SLC22A3: variants seen among roughly 807,000 people sequenced by gnomAD.
The protein encoded by SLC22A3 is solute carrier family 22 member 3, also known as EMT organic cation transporter 3.
In SLC22A3, 51 loss-of-function variants were observed where a neutral mutation model predicts 59.1. That is an observed-to-expected ratio of 0.86 (90% confidence interval 0.69 to 1.09). SLC22A3 has a LOEUF of 1.09. Among genes scored for constraint, SLC22A3 ranks in the 50% least tolerant of loss-of-function variants. The pLI is 0.00. For synonymous variants in SLC22A3, 325 were observed against 292.0 expected (o/e 1.11, Z -1.15); for missense variants, 711 against 726.3 (o/e 0.98, Z 0.24).
chr6:160,351,276 C>G (rs987247033), intron 1 of SLC22A3, among the ~76,000 whole-genome samples: 1 of 152,074 alleles, frequency 6.6e-6, no homozygotes, highest in Non-Finnish European at 1.5e-5. Context: ...CCACCATGCC[C>G]GGCTAATTTT....
intron 5 of SLC22A3, among the ~76,000 whole-genome samples, chr6:160,420,231 G>A (rs1787671004): frequency 6.6e-6 from 1 of 152,172 alleles, no homozygotes. Flanking sequence ...TCAATTTAAA[G>A]GTGCTTTAAA....
chr6:160,389,434 C>G (rs1316448958), intron 1 of SLC22A3, among the ~76,000 whole-genome samples: 2 of 152,132 alleles, frequency 1.3e-5, no homozygotes, highest in African/African-American at 4.8e-5. Context: ...TGGCCAAGCA[C>G]CTTAACTGAC....
In SLC22A3 at chr6:160,447,808, A is replaced by G. The variant is rs774243706; in HGVS notation, c.1600A>G (p.Lys534Glu). ...GCCAGAGACAGTGGATGATGTAGAA[A>G]AACTTGGCAGGTACTGTACAAAATT... ...ALPETVDDVE[K>E]LGSPHSCKCG... The change falls in exon 10 of 11, where the codon AAA becomes GAA. Residue 534 changes from lysine to glutamate, a missense_variant. Coordinates refer to ENST00000275300, the MANE Select transcript of SLC22A3 (RefSeq NM_021977.4). The G allele has an allele frequency of 2.5e-6, 4 of 1,613,806 alleles. No homozygotes were observed. The highest frequency in any genetic ancestry group is 2.2e-5 in the East Asian group (1 of 44,884).
In SLC22A3 at chr6:160,348,667, C is replaced by G. The variant is rs1213823972; in HGVS notation, c.248C>G (p.Pro83Arg). Residue 83 changes from proline (P) to arginine (R), a missense_variant, in exon 1 of 11, where the codon CCC (proline) becomes CGC (arginine). Physicochemically the swap from Pro to Arg is moderately radical, Grantham distance 103 (BLOSUM62 -2). Transcript: ENST00000275300. ...GCGCCCGCCTCCCGCGGCCCAGAGCCCCCCGAGCGCCGCGGCCGCTGCCAG... is the reference window on the plus strand; with the variant it reads ...GCGCCCGCCTCCCGCGGCCCAGAGCGCCCCGAGCGCCGCGGCCGCTGCCAG... ...RTAPASRGPE[P>R]PERRGRCQRY... The G allele has an allele frequency of 6.6e-7, 1 of 1,506,866 alleles. No homozygotes were observed. The highest frequency in any genetic ancestry group is 1.4e-5 in the African/African-American group (1 of 69,034). The allele number at this position is 1,506,866 out of a possible 1,614,324, so 93.3% of individuals were successfully genotyped here.
At chr6:160,431,569 T>G (rs1788152676) in intron 5 of SLC22A3, among the ~76,000 whole-genome samples, 1 of 150,824 alleles carries the variant, frequency 6.6e-6, no homozygotes, top group African/African-American at 2.4e-5. Flanking sequence ...CACCTCGTAT[T>G]TTTTTTTTGG....
chr6:160,427,162 G>A (rs374937079), intron 5 of SLC22A3, among the ~76,000 whole-genome samples: 1 of 152,094 alleles, frequency 6.6e-6, no homozygotes, highest in East Asian at 1.9e-4. Context: ...CTTGTGACCC[G>A]AGCTGATGGG....
intron 1 of SLC22A3, among the ~76,000 whole-genome samples, chr6:160,352,937 C>T (rs1583436228): frequency 6.6e-6 from 1 of 152,342 alleles, no homozygotes; most frequent in African/African-American, 2.4e-5. Flanking sequence ...TCTCCTCCCT[C>T]AGCCTCCTGA....
In SLC22A3 at chr6:160,348,577, G is replaced by A. The variant is rs780275898; in HGVS notation, c.158G>A (p.Gly53Glu). The change falls in exon 1 of 11, where the codon GGG (glycine) becomes GAG (glutamate). Residue 53 changes from glycine (G) to glutamate (E), a missense_variant. Transcript: ENST00000275300. Reference protein sequence around the residue: ...GTQPDHYWCRGPSAAALAERC... With the variant: ...GTQPDHYWCREPSAAALAERC... ...CAGCCCGACCACTACTGGTGCCGCG[G>A]GCCAAGTGCCGCGGCGCTGGCCGAG... The A allele has an allele frequency of 4.6e-5, 70 of 1,534,750 alleles. No homozygotes were observed. The highest frequency in any genetic ancestry group is 6.0e-5 in the Non-Finnish European group (69 of 1,150,542).
chr6:160,406,933 T>C (rs1421443199), intron 2 of SLC22A3, 108 bp from the exon 3 acceptor site: 19 of 1,226,728 alleles, frequency 1.5e-5, no homozygotes, highest in Non-Finnish European at 2.1e-5. Flanking sequence ...TAAAATGATA[T>C]AATGTAATAC....
chr6:160,355,589 G>A (rs1453947033), intron 1 of SLC22A3, among the ~76,000 whole-genome samples: 3 of 141,004 alleles, frequency 2.1e-5, no homozygotes, highest in Non-Finnish European at 3.2e-5. Flanking sequence ...GTGAAACCCC[G>A]TCTCTACTAA....
chr6:160,348,927 G>A, intron 1 of SLC22A3, 79 bp downstream of exon 1: 1 of 1,532,442 alleles, frequency 6.5e-7, no homozygotes, highest in Non-Finnish European at 8.7e-7. Flanking sequence ...CGTGTGAGAC[G>A]CTGGCCGCCA....
rs983854802 is a variant in SLC22A3 at position 160,451,772 on chromosome 6, T to G, written c.*716T>G. The G allele has an allele frequency of 6.6e-6, 1 of 152,196 alleles. No homozygotes were observed. Among genetic ancestry groups the G allele is most frequent in the Non-Finnish European group, 1.5e-5 (1 of 68,046 alleles). The allele number at this position is 152,196 out of a possible 1,614,324, so 9.4% of individuals were successfully genotyped here. On this transcript the variant is annotated 3_prime_UTR_variant, in exon 11 of 11. Transcript: ENST00000275300. Reference sequence around the variant, plus strand: ...CTTGGCTCTGTTATTTACAAAATGATGCTGTGGTTCTGAGATTATTTGGGA... The same window carrying G: ...CTTGGCTCTGTTATTTACAAAATGAGGCTGTGGTTCTGAGATTATTTGGGA...
chr6:160,397,982 G>C lies in SLC22A3; in HGVS notation c.433G>C (p.Asp145His), dbSNP rs765607572. The change falls in exon 2 of 11, where the codon GAC becomes CAC. Residue 145 changes from aspartate (D) to histidine (H), a missense_variant. Asp to His is a moderately conservative substitution (Grantham distance 81). Coordinates refer to ENST00000275300, the MANE Select transcript of SLC22A3 (RefSeq NM_021977.4). The part of the protein sequence containing the change: ...QAHSTIVSEF[D>H]LVCVNAWMLD... Reference sequence around the variant, plus strand: ...TGTGTTTTCTTTGTTTTCTCAGTTTGACCTTGTCTGTGTCAATGCGTGGAT... The same window carrying C: ...TGTGTTTTCTTTGTTTTCTCAGTTTCACCTTGTCTGTGTCAATGCGTGGAT... 3.1e-6 allele frequency: 5 copies of C among 1,612,466 alleles called. No individual in the cohort carries two copies. In the South Asian group the frequency reaches 5.5e-5, roughly 18 times the overall value.
intron 1 of SLC22A3, among the ~76,000 whole-genome samples, chr6:160,360,397 G>T (rs1335471971): frequency 6.6e-6 from 1 of 152,182 alleles, no homozygotes; most frequent in African/African-American, 2.4e-5. Flanking sequence ...GGTGGAGGTT[G>T]CAGTGAGCCA....
At chr6:160,433,794 C>T (rs956921344) in intron 5 of SLC22A3, among the ~76,000 whole-genome samples, 11 of 152,096 alleles carry the variant, frequency 7.2e-5, no homozygotes, top group Non-Finnish European at 1.5e-4. Context: ...TAGGATTTCC[C>T]TTCAACTCTG....
chr6:160,426,455 C>G, intron 5 of SLC22A3: 1 of 651,664 alleles, frequency 1.5e-6, no homozygotes, highest in Non-Finnish European at 1.9e-6. Context: ...CTTTCCTCCT[C>G]TATTCCCACT....
chr6:160,411,786 T>C (rs1185794443), intron 5 of SLC22A3, among the ~76,000 whole-genome samples: 1 of 152,150 alleles, frequency 6.6e-6, no homozygotes, highest in Non-Finnish European at 1.5e-5. Context: ...AATTAAAAGC[T>C]TTTGCCCTTT....
At chr6:160,436,312 T>C (rs905747702) in intron 5 of SLC22A3, among the ~76,000 whole-genome samples, 2 of 152,190 alleles carry the variant, frequency 1.3e-5, no homozygotes, top group African/African-American at 4.8e-5. Flanking sequence ...TGAATTTTTC[T>C]GGATCAAAAA....
At chr6:160,436,709 T>C in intron 5 of SLC22A3, 71 bp from the exon 6 acceptor site, 1 of 946,018 alleles carries the variant, frequency 1.1e-6, no homozygotes, top group Non-Finnish European at 1.7e-6. Flanking sequence ...TTCTGGTTAA[T>C]GACAAGTCTA....
Sources: allele counts gnomAD v4.1 joint callset (sites outside exome capture counted in the v4.1 genomes callset), GRCh38; gene constraint gnomAD v4.1.1; transcripts MANE v1.5; gene names NCBI Gene and HGNC (gene_info 2026-07-23, HGNC 2026-07-21).